The following TTC27 variants were observed in gnomAD, a reference collection of about 807,000 sequenced individuals.
The protein encoded by TTC27 is tetratricopeptide repeat protein 27.
Under a neutral mutation model 115.9 loss-of-function variants are expected in TTC27, and 79 were observed. The ratio of observed to expected loss-of-function variants is 0.68; its 90% CI spans 0.57 to 0.82. The LOEUF is 0.82. Ranked by LOEUF, TTC27 falls within the 40% of genes least tolerant of loss-of-function variation. TTC27 has a pLI of 0.00. For synonymous variants in TTC27, 401 were observed against 356.0 expected, an observed-to-expected ratio of 1.13 and a Z score of -1.42; for missense variants, 1,054 against 993.1, an observed-to-expected ratio of 1.06 and a Z score of -0.82.
chr2:32,770,912 T>C (rs946145086), intron 13 of TTC27, among the ~76,000 whole-genome samples: 6 of 152,332 alleles, frequency 3.9e-5, no homozygotes, highest in Admixed American at 3.9e-4. Context: ...GATGAACATA[T>C]GTGAATAATA....
chr2:32,674,661 ATT>A (rs532166973), intron 8 of TTC27, among the ~76,000 whole-genome samples: 6 of 142,656 alleles, frequency 4.2e-5, no homozygotes, highest in Non-Finnish European at 3.1e-5. Context: ...CAGTGACAGA[ATT>A]TTTTTTTTTT....
chr2:32,653,719 G>A (rs1248519874), intron 5 of TTC27, among the ~76,000 whole-genome samples: 2 of 151,986 alleles, frequency 1.3e-5, no homozygotes, highest in African/African-American at 4.8e-5. Flanking sequence ...GTCATTGTCT[G>A]TAATTATAAT....
chr2:32,698,465 C>A (rs1329786629), intron 9 of TTC27, among the ~76,000 whole-genome samples: 2 of 99,288 alleles, frequency 2.0e-5, no homozygotes, highest in South Asian at 4.7e-4. Flanking sequence ...TATTTTTTAG[C>A]ATTTGGAACA....
At chr2:32,810,621 G>A (rs1439532727) in intron 16 of TTC27, among the ~76,000 whole-genome samples, 1 of 152,172 alleles carries the variant, frequency 6.6e-6, no homozygotes, top group Non-Finnish European at 1.5e-5. Flanking sequence ...TAGGTATTGA[G>A]GTGCACAGTC....
chr2:32,778,112 C>T (rs1670059568), intron 14 of TTC27, 132 bp downstream of exon 14: 2 of 686,154 alleles, frequency 2.9e-6, no homozygotes, highest in Admixed American at 3.0e-5. Context: ...GGTCGTACCT[C>T]AAGGTATAGG....
At chr2:32,688,339 G>A (rs1666702893) in intron 9 of TTC27, among the ~76,000 whole-genome samples, 1 of 152,060 alleles carries the variant, frequency 6.6e-6, no homozygotes, top group African/African-American at 2.4e-5. Context: ...TTTTCTTCAA[G>A]TAAAATTGTT....
At chr2:32,740,080 C>T (rs1668578067) in intron 12 of TTC27, among the ~76,000 whole-genome samples, 1 of 152,130 alleles carries the variant, frequency 6.6e-6, no homozygotes, top group Admixed American at 6.5e-5. Flanking sequence ...TTTTGCTCGA[C>T]CTTGGTATCA....
chr2:32,656,767 A>T (rs907300442), intron 5 of TTC27, among the ~76,000 whole-genome samples: 2 of 151,912 alleles, frequency 1.3e-5, no homozygotes, highest in African/African-American at 2.4e-5. Context: ...TTAAGGCCCC[A>T]CCCTTCTGAT....
intron 4 of TTC27, among the ~76,000 whole-genome samples, chr2:32,646,712 C>T (rs183473501): frequency 6.6e-6 from 1 of 151,808 alleles, no homozygotes; most frequent in African/African-American, 2.4e-5. Context: ...TACAGGCTCC[C>T]ACCAGTACGC....
At chr2:32,666,908 C>A in intron 7 of TTC27, 140 bp downstream of exon 7, 1 of 1,016,816 alleles carries the variant, frequency 9.8e-7, no homozygotes, top group Non-Finnish European at 1.3e-6. Flanking sequence ...GTTGCTGAGT[C>A]AGGGAGAACT....
chr2:32,650,988 AT>A (rs150376405), intron 5 of TTC27, among the ~76,000 whole-genome samples: 1,522 of 149,786 alleles, frequency 0.01, 12 homozygotes, highest in Middle Eastern at 0.028. Flanking sequence ...GGTTTTGGGG[AT>A]TTTTTTTTTG....
Position 32,817,559 on chromosome 2 carries a change from T to C in TTC27, c.2409+2T>C. The stretch of plus-strand genomic sequence containing the variant: ...CGGGGCTTGTTATCTAAAGCAAAGG[T>C]GAGAGTGACATGTGAATTAATTGGA... On this transcript the variant is annotated splice_donor_variant, in intron 19 of 19. Transcript: ENST00000317907. LOFTEE classifies it high-confidence loss of function. 6.2e-7 allele frequency: 1 copy of C among 1,610,408 alleles called. No individual in the cohort carries two copies. Among genetic ancestry groups the C allele is most frequent in the Non-Finnish European group, 8.5e-7 (1 of 1,176,702 alleles).
intron 17 of TTC27, among the ~76,000 whole-genome samples, chr2:32,811,847 A>G (rs867001886): frequency 3.3e-5 from 5 of 152,280 alleles, no homozygotes; most frequent in Middle Eastern, 3.4e-3. Flanking sequence ...AACAAATCAA[A>G]TGTACTCCTT....
intron 7 of TTC27, among the ~76,000 whole-genome samples, chr2:32,671,322 T>A (rs1284714676): frequency 2.0e-5 from 3 of 152,058 alleles, no homozygotes; most frequent in African/African-American, 7.2e-5. Context: ...TATCCAGTTG[T>A]TCTGACATCA....
At chr2:32,740,738 T>G (rs1668605079) in intron 12 of TTC27, among the ~76,000 whole-genome samples, 1 of 152,220 alleles carries the variant, frequency 6.6e-6, no homozygotes, top group Non-Finnish European at 1.5e-5. Flanking sequence ...CACTGCAACC[T>G]CCACCTCCTG....
At chr2:32,724,991 C>T (rs997858505) in intron 10 of TTC27, among the ~76,000 whole-genome samples, 5 of 152,236 alleles carry the variant, frequency 3.3e-5, no homozygotes, top group South Asian at 4.2e-4. Flanking sequence ...AGAGAGCTTG[C>T]GCAGGGAAAC....
intron 10 of TTC27, among the ~76,000 whole-genome samples, chr2:32,714,543 A>G (rs1344855560): frequency 6.6e-6 from 1 of 152,180 alleles, no homozygotes; most frequent in Non-Finnish European, 1.5e-5. Context: ...ATAGTGCTGT[A>G]ATGAACATAC....
chr2:32,634,257 G>A (rs1664327077), intron 3 of TTC27, among the ~76,000 whole-genome samples: 1 of 151,980 alleles, frequency 6.6e-6, no homozygotes, highest in Non-Finnish European at 1.5e-5. Context: ...ACAGACAGCT[G>A]CACCAGTTGT....
At chr2:32,737,661 A>C (rs928904209) in intron 12 of TTC27, among the ~76,000 whole-genome samples, 1 of 152,092 alleles carries the variant, frequency 6.6e-6, no homozygotes, top group African/African-American at 2.4e-5. Flanking sequence ...AAGGTCTTTG[A>C]ATTGTATTGA....
Sources: allele counts gnomAD v4.1 joint callset (sites outside exome capture counted in the v4.1 genomes callset), GRCh38; gene constraint gnomAD v4.1.1; transcripts MANE v1.5; gene names NCBI Gene and HGNC (gene_info 2026-07-23, HGNC 2026-07-21).